The following STYK1 variants were observed in gnomAD, a reference collection of about 807,000 sequenced individuals.
The protein encoded by STYK1 is tyrosine-protein kinase STYK1.
In STYK1, 46 loss-of-function variants were observed where a neutral mutation model predicts 48.1. The ratio of observed to expected loss-of-function variants is 0.96; its 90% confidence interval spans 0.75 to 1.22. The LOEUF (loss-of-function observed/expected upper bound fraction) is 1.22. STYK1 is among the 50% of genes most tolerant of loss of function. The pLI, the probability that STYK1 is intolerant of heterozygous loss-of-function variation, is 0.00. For synonymous variants in STYK1, 188 were observed against 189.0 expected (o/e 0.99, Z 0.04); for missense variants, 527 against 521.1 (o/e 1.01, Z -0.11).
At position 10,627,738 on chromosome 12, in the gene STYK1, G is replaced by A. The variant is rs1356993598; in HGVS notation, c.634-14C>T. Reference sequence around the variant, plus strand: ...AGTCATCACATCCTAAAGAGACAGGGAAAAAAAGCCATTATATCAAAATAG... The same window carrying A: ...AGTCATCACATCCTAAAGAGACAGGAAAAAAAAGCCATTATATCAAAATAG... On this transcript the variant is annotated splice_polypyrimidine_tract_variant and intron_variant, in intron 6 of 10. Coordinates refer to ENST00000075503, the MANE Select transcript of STYK1 (RefSeq NM_018423.3). The A allele has an allele frequency of 3.1e-6, 5 of 1,590,376 alleles. No homozygotes were observed. The Admixed American group carries it at 5.6e-5, about 18-fold the overall frequency.
chr12:10,642,858 G>T (rs1025566459), intron 1 of STYK1, among the ~76,000 whole-genome samples: 3 of 152,182 alleles, frequency 2.0e-5, no homozygotes, highest in Non-Finnish European at 4.4e-5. Flanking sequence ...AAGAATGCTA[G>T]ATAGTGGTAT....
At position 10,620,111 on chromosome 12, in the gene STYK1, A is replaced by C; in HGVS notation, c.*33T>G. On this transcript the variant is annotated 3_prime_UTR_variant, in exon 11 of 11. Coordinates refer to ENST00000075503, the MANE Select transcript of STYK1 (RefSeq NM_018423.3). ...AGAGGAATTGATTCCAAGAACATATACTCATGCATGAATGTTTCTTGCCCG... is the reference window on the plus strand; with the variant it reads ...AGAGGAATTGATTCCAAGAACATATCCTCATGCATGAATGTTTCTTGCCCG... The C allele has an allele frequency of 1.2e-6, 2 of 1,610,202 alleles. No homozygotes were observed. Among genetic ancestry groups the C allele is most frequent in the Non-Finnish European group, 1.7e-6 (2 of 1,176,518 alleles).
chr12:10,661,170 T>G (rs1947773349), intron 1 of STYK1, among the ~76,000 whole-genome samples: 2 of 152,150 alleles, frequency 1.3e-5, no homozygotes, highest in South Asian at 4.1e-4. Context: ...AGGAGAAACA[T>G]CATGAGTTTA....
Position 10,674,015 on chromosome 12 carries a change from G to A in STYK1, c.-244C>T, listed in dbSNP as rs555124141. Reference sequence around the variant, plus strand: ...GTTTCCGATGGCACCGGCCCAGTCGGAGGGGAAATAATGACAGGGTTGGGT... The same window carrying A: ...GTTTCCGATGGCACCGGCCCAGTCGAAGGGGAAATAATGACAGGGTTGGGT... On this transcript the variant is annotated 5_prime_UTR_variant, in exon 1 of 11. Coordinates refer to ENST00000075503, the MANE Select transcript of STYK1 (RefSeq NM_018423.3). The A allele has an allele frequency of 6.6e-6, 1 of 152,254 alleles. No individual in the cohort carries two copies. Among genetic ancestry groups the A allele is most frequent in the Non-Finnish European group, 1.5e-5 (1 of 68,084 alleles). 9.4% of individuals were successfully genotyped at this position (152,254 alleles called of 1,614,324 possible).
At position 10,621,984 on chromosome 12, in the gene STYK1, A is replaced by C. The variant is rs751090237; in HGVS notation, c.968-12T>G. On this transcript the variant is annotated splice_polypyrimidine_tract_variant and intron_variant, in intron 9 of 10. Transcript: ENST00000075503. Reference sequence around the variant, plus strand: ...ATACGGTGGTGCTCCTGTCATTACGAAAATAATGAGAACTTTAAGGTCCTC... The same window carrying C: ...ATACGGTGGTGCTCCTGTCATTACGCAAATAATGAGAACTTTAAGGTCCTC... 20 of 1,608,646 alleles carry C rather than the reference A, an allele frequency of 1.2e-5. No homozygotes were observed. In the East Asian group the frequency reaches 4.2e-4, roughly 34 times the overall value.
chr12:10,627,745 A>G, intron 6 of STYK1, 21 bp from the exon 7 acceptor site: 1 of 1,588,506 alleles, frequency 6.3e-7, no homozygotes, highest in Non-Finnish European at 8.6e-7. Flanking sequence ...AGGGAAAAAA[A>G]GCCATTATAT....
chr12:10,628,117 T>C (rs913518707), intron 6 of STYK1, among the ~76,000 whole-genome samples: 4 of 152,246 alleles, frequency 2.6e-5, no homozygotes, highest in Non-Finnish European at 5.9e-5. Context: ...TATTCCATGT[T>C]AGGAACTTGG....
Position 10,619,680 on chromosome 12 carries a change from G to A in STYK1, c.*464C>T, listed in dbSNP as rs939181469. 7 of 206,166 alleles carry A rather than the reference G, an allele frequency of 3.4e-5. No individual in the cohort carries two copies. The highest frequency in any genetic ancestry group is 1.1e-4 in the Admixed American group (2 of 17,410). The allele number at this position is 206,166 out of a possible 1,614,324, so 12.8% of individuals were successfully genotyped here. A position where few individuals can be genotyped will look rare whatever the true frequency, so the allele number is the denominator to read the frequency against. ...TGTCCTACCACCTTTTCTTGAAGGA[G>A]GTGTTGGTCCATATCTGTAATCCTG... On this transcript the variant is annotated 3_prime_UTR_variant, in exon 11 of 11. Coordinates refer to ENST00000075503, the MANE Select transcript of STYK1 (RefSeq NM_018423.3).
At chr12:10,643,528 G>T (rs1402489640) in intron 1 of STYK1, among the ~76,000 whole-genome samples, 1 of 152,084 alleles carries the variant, frequency 6.6e-6, no homozygotes. Context: ...TCCTTGGGGG[G>T]CCAGCCTTAT....
intron 1 of STYK1, among the ~76,000 whole-genome samples, chr12:10,664,956 G>GA (rs1213279261): frequency 1.3e-5 from 2 of 152,320 alleles, no homozygotes; most frequent in South Asian, 4.1e-4. Flanking sequence ...AAGTTTAAGT[G>GA]AAAAGGTGAC....
At chr12:10,669,576 G>A (rs1354198139) in intron 1 of STYK1, among the ~76,000 whole-genome samples, 1 of 152,090 alleles carries the variant, frequency 6.6e-6, no homozygotes, top group East Asian at 1.9e-4. Flanking sequence ...GCTAGGCAAT[G>A]TTTTTTTGGA....
At chr12:10,634,376 T>A (rs1434234289) in intron 3 of STYK1, among the ~76,000 whole-genome samples, 191 bp downstream of exon 3, 1 of 152,206 alleles carries the variant, frequency 6.6e-6, no homozygotes, top group African/African-American at 2.4e-5. Context: ...AGATTGAAGA[T>A]GCAGCATCTG....
chr12:10,640,283 C>T (rs1451726721), intron 1 of STYK1, among the ~76,000 whole-genome samples: 5 of 152,130 alleles, frequency 3.3e-5, no homozygotes, highest in African/African-American at 4.8e-5. Context: ...TCTCTCAGTG[C>T]CCCAGGCTCT....
chr12:10,638,171 G>A (rs1245694345), intron 1 of STYK1, among the ~76,000 whole-genome samples: 1 of 152,188 alleles, frequency 6.6e-6, no homozygotes, highest in Non-Finnish European at 1.5e-5. Flanking sequence ...AAATATGTTT[G>A]ATAGTTGTAA....
In STYK1 at chr12:10,631,256, T is replaced by C; in HGVS notation, c.240A>G (p.Gly80=). Reference sequence around the variant, plus strand: ...CCTTAAGTGGCAAAGCCACATTTCCTCCATGTCCTGCTTCCCAGCTTAGGT... The same window carrying C: ...CCTTAAGTGGCAAAGCCACATTTCCCCCATGTCCTGCTTCCCAGCTTAGGT... ...PRDLSWEAGH[G]GNVALPLKET... is the part of the protein sequence containing the mutation. The change falls in exon 5 of 11, where the codon GGA becomes GGG. Residue 80 remains glycine, a synonymous_variant. Transcript: ENST00000075503. The C allele has an allele frequency of 6.2e-7, 1 of 1,614,220 alleles. No homozygotes were observed. The highest frequency in any genetic ancestry group is 8.5e-7 in the Non-Finnish European group (1 of 1,180,032).
At chr12:10,630,954 A>G in intron 5 of STYK1, 91 bp downstream of exon 5, 2 of 1,509,142 alleles carry the variant, frequency 1.3e-6, no homozygotes, top group Non-Finnish European at 1.8e-6. Flanking sequence ...AGTTATGATC[A>G]CAACTATCTG....
chr12:10,648,738 A>C (rs1477895387), intron 1 of STYK1, among the ~76,000 whole-genome samples: 2 of 151,704 alleles, frequency 1.3e-5, no homozygotes, highest in Non-Finnish European at 2.9e-5. Flanking sequence ...GCTAATTTTT[A>C]ATTTTTTTGT....
chr12:10,671,203 C>T (rs1947888558), intron 1 of STYK1, among the ~76,000 whole-genome samples: 2 of 151,840 alleles, frequency 1.3e-5, no homozygotes, highest in Admixed American at 6.6e-5. Flanking sequence ...ACTTTGTTAG[C>T]CAGGATGGTC....
Position 10,631,160 on chromosome 12 carries a change from T to C in STYK1, c.336A>G (p.Gln112=). The C allele has an allele frequency of 1.9e-6, 3 of 1,613,922 alleles. No homozygotes were observed. The highest frequency in any genetic ancestry group is 2.5e-6 in the Non-Finnish European group (3 of 1,179,980). The change falls in exon 5 of 11, where the codon CAA becomes CAG. Residue 112 remains glutamine (Q), a synonymous_variant. Transcript: ENST00000075503. The stretch of plus-strand genomic sequence containing the variant: ...AAATCTGCTCCAGAACTTCAGAGAG[T>C]TGCTCCCGCGGCACCTGCAGCTTAG... The part of the protein sequence containing the change: ...ALAKLQVPRE[Q]LSEVLEQICS...
Sources: allele counts gnomAD v4.1 joint callset (sites outside exome capture counted in the v4.1 genomes callset), GRCh38; gene constraint gnomAD v4.1.1; transcripts MANE v1.5; gene names NCBI Gene and HGNC (gene_info 2026-07-23, HGNC 2026-07-21).